GMDS: variants seen among roughly 807,000 people sequenced by gnomAD.
GMDS encodes the protein GDP-mannose 4,6-dehydratase.
In GMDS, 20 loss-of-function variants were observed where a neutral mutation model predicts 49.9. The observed-to-expected ratio is 0.40, with a 90% CI of 0.28 to 0.58. The LOEUF (loss-of-function observed/expected upper bound fraction) is 0.58. Among genes scored for constraint, GMDS ranks in the 20% least tolerant of loss-of-function variants. The pLI is 0.42. For missense variants in GMDS, 362 were observed against 481.4 expected, an observed-to-expected ratio of 0.75 and a Z score of 2.32; for synonymous variants, 177 against 178.6, an observed-to-expected ratio of 0.99 and a Z score of 0.07.
chr6:2,043,878 C>G (rs1336424449), intron 4 of GMDS, among the ~76,000 whole-genome samples: 2 of 150,706 alleles, frequency 1.3e-5, no homozygotes, highest in Admixed American at 1.3e-4. Flanking sequence ...AAAAAAACAA[C>G]AACAACCCCA....
At chr6:1,771,489 C>T (rs115599418) in intron 7 of GMDS, among the ~76,000 whole-genome samples, 2,117 of 152,272 alleles carry the variant, frequency 0.014, 47 homozygotes, top group African/African-American at 0.048. Context: ...GTGCCTGGAA[C>T]GGTGCCAAGC....
At chr6:2,204,269 T>C (rs1270400120) in intron 1 of GMDS, among the ~76,000 whole-genome samples, 1 of 152,204 alleles carries the variant, frequency 6.6e-6, no homozygotes, top group African/African-American at 2.4e-5. Context: ...CTGCCCACTT[T>C]GTCATCTCCC....
chr6:2,151,710 A>G (rs1776852415), intron 1 of GMDS, among the ~76,000 whole-genome samples: 1 of 152,068 alleles, frequency 6.6e-6, no homozygotes, highest in Non-Finnish European at 1.5e-5. Context: ...ATTAATCTAA[A>G]ACTGGGTTTT....
intron 4 of GMDS, among the ~76,000 whole-genome samples, chr6:2,063,224 A>C (rs76782263): frequency 0.014 from 2,197 of 152,358 alleles, 28 homozygotes; most frequent in Middle Eastern, 0.031. Flanking sequence ...GTATTATAAT[A>C]AATCTCAAAT....
intron 7 of GMDS, among the ~76,000 whole-genome samples, chr6:1,780,501 T>A (rs1427263231): frequency 6.6e-6 from 1 of 152,216 alleles, no homozygotes; most frequent in Non-Finnish European, 1.5e-5. Flanking sequence ...TGGCAGGGCC[T>A]CCACCTCTCT....
intron 7 of GMDS, among the ~76,000 whole-genome samples, chr6:1,753,903 T>C (rs976644724): frequency 1.3e-4 from 20 of 152,312 alleles, no homozygotes; most frequent in African/African-American, 4.6e-4. Context: ...GGGTAATTTA[T>C]AGTACTAAAT....
At chr6:2,031,388 A>G (rs1429839064) in intron 4 of GMDS, among the ~76,000 whole-genome samples, 1 of 152,176 alleles carries the variant, frequency 6.6e-6, no homozygotes, top group Non-Finnish European at 1.5e-5. Flanking sequence ...GAACCAAACA[A>G]CTACAAATGG....
chr6:1,662,894 C>T (rs879779044), intron 9 of GMDS, among the ~76,000 whole-genome samples: 3 of 152,136 alleles, frequency 2.0e-5, no homozygotes, highest in Admixed American at 2.0e-4. Context: ...AGAATGAGCA[C>T]AGATTCAGAA....
chr6:1,946,255 G>A (rs1763069921), intron 6 of GMDS, among the ~76,000 whole-genome samples: 1 of 152,150 alleles, frequency 6.6e-6, no homozygotes, highest in Non-Finnish European at 1.5e-5. Flanking sequence ...GTGATGGAAG[G>A]GGCAGGCCAC....
intron 9 of GMDS, among the ~76,000 whole-genome samples, chr6:1,633,002 T>C (rs926669791): frequency 2.0e-5 from 3 of 152,212 alleles, no homozygotes; most frequent in Non-Finnish European, 4.4e-5. Context: ...TTTAAATCTG[T>C]AAAACGGGGA....
chr6:1,701,326 T>C (rs1456057085), intron 9 of GMDS, among the ~76,000 whole-genome samples: 1 of 152,236 alleles, frequency 6.6e-6, no homozygotes. Context: ...TGTCATTATG[T>C]ATACATAATG....
chr6:2,078,189 T>C (rs980251256), intron 4 of GMDS, among the ~76,000 whole-genome samples: 2 of 152,076 alleles, frequency 1.3e-5, no homozygotes, highest in African/African-American at 4.8e-5. Flanking sequence ...AAGCTAGTGA[T>C]TTATCAATTT....
At chr6:2,230,535 A>T (rs533493081) in intron 1 of GMDS, among the ~76,000 whole-genome samples, 14 of 152,212 alleles carry the variant, frequency 9.2e-5, no homozygotes, top group Non-Finnish European at 1.8e-4. Context: ...GAAATTTTCC[A>T]TAGTAACAAT....
At chr6:1,692,572 A>T (rs1192112375) in intron 9 of GMDS, among the ~76,000 whole-genome samples, 1 of 152,176 alleles carries the variant, frequency 6.6e-6, no homozygotes, top group Non-Finnish European at 1.5e-5. Context: ...TCCAGAACTG[A>T]TTCTCTGTTA....
rs1491273695 is a variant in GMDS, at chr6:2,000,009, T to TATATA, written c.346-39044_346-39043insTATAT. Among the ~76,000 whole-genome samples, 10 of 6,046 alleles carry TATATA rather than the reference T, an allele frequency of 1.7e-3. 1 individual carries two copies. Among genetic ancestry groups the TATATA allele is most frequent in the Non-Finnish European group, 3.6e-3 (8 of 2,204 alleles). The allele number at this position is 6,046 out of a possible 152,430, so 4.0% of individuals were successfully genotyped here. On this transcript the variant is annotated intron_variant, in intron 4 of 10. Coordinates refer to ENST00000380815, the MANE Select transcript of GMDS (RefSeq NM_001500.4). ...TATATATATATATTATATATATATA[T>TATATA]TTTTTATATATATATATATCTATAT...
At chr6:1,661,418 T>C (rs962820809) in intron 9 of GMDS, among the ~76,000 whole-genome samples, 5 of 152,350 alleles carry the variant, frequency 3.3e-5, no homozygotes, top group Admixed American at 2.0e-4. Flanking sequence ...TTAATTAATA[T>C]AGACGACACC....
At chr6:1,818,378 CG>C (rs1425233970) in intron 7 of GMDS, among the ~76,000 whole-genome samples, 1 of 151,960 alleles carries the variant, frequency 6.6e-6, no homozygotes, top group Non-Finnish European at 1.5e-5. Context: ...GAGGCCGAGG[CG>C]GGTGGATCAC....
At chr6:1,777,429 C>T (rs1768882380) in intron 7 of GMDS, among the ~76,000 whole-genome samples, 2 of 152,178 alleles carry the variant, frequency 1.3e-5, no homozygotes. Flanking sequence ...TTCTATATTT[C>T]TTCTTGATAT....
At chr6:2,210,697 C>T (rs1374644742) in intron 1 of GMDS, among the ~76,000 whole-genome samples, 1 of 152,202 alleles carries the variant, frequency 6.6e-6, no homozygotes, top group Non-Finnish European at 1.5e-5. Flanking sequence ...GTGTCTCCTC[C>T]TGAACCCGCA....
Sources: gnomAD v4.1 joint callset for allele counts (sites outside exome capture counted in the v4.1 genomes callset) on GRCh38, gnomAD v4.1.1 for gene constraint, MANE v1.5 for transcripts, NCBI Gene and HGNC (gene_info 2026-07-23, HGNC 2026-07-21) for gene names.